The following CYP4F22 variants were observed in gnomAD, a reference collection of about 807,000 sequenced individuals.
The protein encoded by CYP4F22 is cytochrome P450 family 4 subfamily F member 22, also known as ultra-long-chain fatty acid omega-hydroxylase.
Under a neutral mutation model 60.4 loss-of-function variants are expected in CYP4F22, and 37 were observed. The ratio of observed to expected loss-of-function variants is 0.61; its 90% CI spans 0.47 to 0.81. The LOEUF (loss-of-function observed/expected upper bound fraction) is 0.81. Among genes scored for constraint, CYP4F22 ranks in the 30% least tolerant of loss-of-function variants. The pLI, the probability that CYP4F22 is intolerant of heterozygous loss-of-function variation, is 0.00. For synonymous variants in CYP4F22, 258 were observed against 280.5 expected (o/e 0.92, Z 0.80); for missense variants, 655 against 715.0 (o/e 0.92, Z 0.96).
At chr19:15,544,320 C>A in intron 10 of CYP4F22, 41 bp downstream of exon 10, 1 of 1,597,422 alleles carries the variant, frequency 6.3e-7, no homozygotes, top group South Asian at 1.1e-5. Context: ...CAGGTTGAGG[C>A]CAGAGCCTTG....
In CYP4F22 at chr19:15,537,888, T is replaced by C; in HGVS notation, c.566T>C (p.Leu189Pro). 3 of 1,614,050 alleles carry C rather than the reference T, an allele frequency of 1.9e-6. No homozygotes were observed. The South Asian group carries it at 3.3e-5, about 18-fold the overall frequency. The change falls in exon 7 of 14, where the codon CTG (leucine) becomes CCG (proline). Residue 189 changes from leucine to proline, a missense_variant. This residue lies in a region of CYP4F22 where 430 missense variants were observed against 457.1 expected (regional missense o/e 0.94). Coordinates refer to ENST00000269703, the MANE Select transcript of CYP4F22 (RefSeq NM_173483.4). ...CTCTTCCAGGCTAAATGGCGGCATCTGGCAGAGGGCTCAGCGGTCTCCCTT... is the reference window on the plus strand; with the variant it reads ...CTCTTCCAGGCTAAATGGCGGCATCCGGCAGAGGGCTCAGCGGTCTCCCTT... Reference protein sequence around the residue: ...ADIMHAKWRHLAEGSAVSLDM... With the variant: ...ADIMHAKWRHPAEGSAVSLDM...
At chr19:15,535,635 A>G (rs1971386764) in intron 4 of CYP4F22, among the ~76,000 whole-genome samples, 1 of 151,706 alleles carries the variant, frequency 6.6e-6, no homozygotes, top group Non-Finnish European at 1.5e-5. Context: ...CCACTCATCC[A>G]TCCATCCACC....
At chr19:15,543,877 A>AAT in intron 8 of CYP4F22, 94 bp from the exon 9 acceptor site, 1 of 1,202,858 alleles carries the variant, frequency 8.3e-7, no homozygotes, top group Non-Finnish European at 1.2e-6. Context: ...AAAAAAAAAA[A>AAT]GATGGGGGCG....
chr19:15,538,051 C>A (rs1035105604), intron 7 of CYP4F22, 58 bp downstream of exon 7: 11 of 1,610,076 alleles, frequency 6.8e-6, no homozygotes, highest in Non-Finnish European at 9.3e-6. Flanking sequence ...AAGATGGTGG[C>A]AGGAGAAAGG....
Position 15,540,864 on chromosome 19 carries a change from C to T in CYP4F22, c.939+147C>T, listed in dbSNP as rs75050268. 5,120 of 1,004,594 alleles carry T rather than the reference C, an allele frequency of 5.1e-3. 174 individuals are homozygous for T. The African/African-American group carries it at 0.071, about 14-fold the overall frequency. The allele number at this position is 1,004,594 out of a possible 1,614,324, so 62.2% of individuals were successfully genotyped here. ...CTTTGGGAGGCCAAGGCGGGAGGATCGCTTGAGCCCTGGAATTGGAGATCA... is the reference window on the plus strand; with the variant it reads ...CTTTGGGAGGCCAAGGCGGGAGGATTGCTTGAGCCCTGGAATTGGAGATCA... On this transcript the variant is annotated intron_variant, in intron 8 of 13. Coordinates refer to ENST00000269703, the MANE Select transcript of CYP4F22 (RefSeq NM_173483.4).
chr19:15,509,369 C>T (rs1344866520), intron 1 of CYP4F22, among the ~76,000 whole-genome samples: 1 of 152,170 alleles, frequency 6.6e-6, no homozygotes, highest in African/African-American at 2.4e-5. Context: ...CTCATTCATG[C>T]ACTCATTGTG....
At chr19:15,531,077 C>T (rs1430813343) in intron 4 of CYP4F22, among the ~76,000 whole-genome samples, 7 of 151,458 alleles carry the variant, frequency 4.6e-5, no homozygotes, top group Admixed American at 1.3e-4. Context: ...CCCTGTCTCT[C>T]GAAAAAAATA....
intron 10 of CYP4F22, among the ~76,000 whole-genome samples, chr19:15,546,575 C>T (rs529693054): frequency 3.3e-5 from 5 of 151,714 alleles, no homozygotes; most frequent in African/African-American, 9.7e-5. Flanking sequence ...AACAGCAAGA[C>T]GCCATCAAAA....
chr19:15,542,273 T>C (rs1971471505), intron 8 of CYP4F22, among the ~76,000 whole-genome samples: 1 of 152,168 alleles, frequency 6.6e-6, no homozygotes, highest in Admixed American at 6.5e-5. Flanking sequence ...GGCTCACCCC[T>C]GTAATCCCAG....
intron 8 of CYP4F22, among the ~76,000 whole-genome samples, chr19:15,541,881 AAAG>A (rs1971467372): frequency 6.6e-6 from 1 of 151,878 alleles, no homozygotes; most frequent in Admixed American, 6.6e-5. Context: ...AAAAAAAAAA[AAAG>A]AAAAAAAAGA....
At chr19:15,514,409 C>T (rs989523631) in intron 1 of CYP4F22, among the ~76,000 whole-genome samples, 1 of 152,120 alleles carries the variant, frequency 6.6e-6, no homozygotes, top group Non-Finnish European at 1.5e-5. Flanking sequence ...ATAGTGTCGT[C>T]GGGCACGGTG....
In CYP4F22 at chr19:15,540,653, A is replaced by G; in HGVS notation, c.875A>G (p.Glu292Gly). 6.2e-7 allele frequency: 1 copy of G among 1,613,872 alleles called. No individual in the cohort carries two copies. Among genetic ancestry groups the G allele is most frequent in the Non-Finnish European group, 8.5e-7 (1 of 1,179,992 alleles). ...RRRALRQQGA[E>G]AWLKAKQGKT... is the part of the protein sequence containing the mutation. ...CGGGCACTGCGTCAGCAGGGGGCCG[A>G]GGCCTGGCTTAAGGCCAAGCAGGGG... is the stretch of plus-strand genomic sequence containing the variant. Residue 292 changes from glutamate (E) to glycine (G), a missense_variant, in exon 8 of 14, where the codon GAG becomes GGG. By Grantham distance (98) the Glu-to-Gly change is moderately conservative. This residue lies in a region of CYP4F22 where 430 missense variants were observed against 457.1 expected (regional missense o/e 0.94). Transcript: ENST00000269703.
chr19:15,537,878 TGGC>T lies in CYP4F22; in HGVS notation c.560_562del (p.Arg187del), dbSNP rs1432953775. The T allele has an allele frequency of 6.2e-7, 1 of 1,613,788 alleles. No individual in the cohort carries two copies. Among genetic ancestry groups the T allele is most frequent in the East Asian group, 2.2e-5 (1 of 44,904 alleles). ...CCATGTATCTCTCTTCCAGGCTAAA[TGGC>T]GGCATCTGGCAGAGGGCTCAGCGGT... On this transcript the variant is annotated inframe_deletion, in exon 7 of 14. Transcript: ENST00000269703.
At chr19:15,531,501 A>C (rs933281044) in intron 4 of CYP4F22, among the ~76,000 whole-genome samples, 4 of 152,228 alleles carry the variant, frequency 2.6e-5, no homozygotes, top group African/African-American at 9.6e-5. Context: ...GCTGTGAAAG[A>C]AGCTGCCATC....
At chr19:15,522,147 G>GAAAAA (rs5827288) in intron 1 of CYP4F22, among the ~76,000 whole-genome samples, 1 of 82,858 alleles carries the variant, frequency 1.2e-5, no homozygotes, top group Non-Finnish European at 2.6e-5. Flanking sequence ...CTTTGTCTCA[G>GAAAAA]AAAAAAAAAA....
chr19:15,518,475 C>T (rs1426556682), intron 1 of CYP4F22, among the ~76,000 whole-genome samples: 3 of 103,872 alleles, frequency 2.9e-5, no homozygotes, highest in South Asian at 3.6e-4. Flanking sequence ...CCCATCTCTA[C>T]CAAAAATACA....
chr19:15,530,838 C>A (rs765310830), intron 4 of CYP4F22, among the ~76,000 whole-genome samples: 1 of 152,022 alleles, frequency 6.6e-6, no homozygotes, highest in African/African-American at 2.4e-5. Context: ...TAGGGATTAT[C>A]GGAATTATAA....
rs187004457 is a variant in CYP4F22 at position 15,537,598 on chromosome 19, C to A, written c.485C>A (p.Ala162Asp). The A allele has an allele frequency of 6.2e-7, 1 of 1,614,044 alleles. No individual in the cohort carries two copies. Among genetic ancestry groups the A allele is most frequent in the Admixed American group, 1.7e-5 (1 of 60,000 alleles). The change falls in exon 6 of 14, where the codon GCC (alanine) becomes GAC (aspartate). Residue 162 changes from alanine (A) to aspartate (D), a missense_variant. Physicochemically the swap from Ala to Asp is moderately radical, Grantham distance 126. This residue lies in a region of CYP4F22 where 430 missense variants were observed against 457.1 expected (regional missense o/e 0.94). Transcript: ENST00000269703. ...CGGCACCGTCGCCTGCTGACACCCG[C>A]CTTCCACTTTGACATCCTGAAGCCT... ...WSRHRRLLTP[A>D]FHFDILKPYM...
intron 4 of CYP4F22, among the ~76,000 whole-genome samples, chr19:15,535,042 T>TGACCAGATCCTG (rs1162185847): frequency 6.6e-6 from 1 of 152,194 alleles, no homozygotes; most frequent in Non-Finnish European, 1.5e-5. Context: ...AGACAGCTAT[T>TGACCAGATCCTG]GACCAGATCC....
Sources: allele counts gnomAD v4.1 joint callset (sites outside exome capture counted in the v4.1 genomes callset), GRCh38; gene constraint gnomAD v4.1.1; regional missense constraint gnomAD v4.1.1; transcripts MANE v1.5; gene names NCBI Gene and HGNC (gene_info 2026-07-23, HGNC 2026-07-21).